ARHGAP10: variants seen among roughly 807,000 people sequenced by gnomAD.
The protein encoded by ARHGAP10 is Rho GTPase activating protein 10.
Under a neutral mutation model 108.6 loss-of-function variants are expected in ARHGAP10, and 87 were observed. That is an observed-to-expected ratio of 0.80 (90% CI 0.67 to 0.96). ARHGAP10 has a LOEUF of 0.96. Ranked by LOEUF, ARHGAP10 falls within the 40% of genes least tolerant of loss-of-function variation. The pLI is 0.00. For missense variants in ARHGAP10, 939 were observed against 954.5 expected, an observed-to-expected ratio of 0.98 and a Z score of 0.21; for synonymous variants, 347 against 341.1, an observed-to-expected ratio of 1.02 and a Z score of -0.19.
chr4:148,061,918 G>A (rs1261967446), intron 20 of ARHGAP10, among the ~76,000 whole-genome samples: 1 of 152,162 alleles, frequency 6.6e-6, no homozygotes, highest in Non-Finnish European at 1.5e-5. Flanking sequence ...AGGCCTTCAG[G>A]GAAGGTGTAT....
chr4:147,784,694 A>AT lies in ARHGAP10; in HGVS notation c.155-38031dup, dbSNP rs1448970595. 1.4e-4 allele frequency among the ~76,000 whole-genome samples: 13 copies of AT among 93,344 alleles called. 2 individuals are homozygous for AT. The highest frequency in any genetic ancestry group is 5.1e-4 in the African/African-American group (12 of 23,614). The allele number at this position is 93,344 out of a possible 152,430, so 61.2% of individuals were successfully genotyped here. A position where few individuals can be genotyped will look rare whatever the true frequency, so the allele number is the denominator to read the frequency against. ...TATATATTATAAATATAAAATATAT[A>AT]TTATAAAATATATATTATAAATATA... On this transcript the variant is annotated intron_variant, in intron 1 of 22. Coordinates refer to ENST00000336498, the MANE Select transcript of ARHGAP10 (RefSeq NM_024605.4).
chr4:147,856,667 T>C (rs1734096292), intron 4 of ARHGAP10, among the ~76,000 whole-genome samples: 1 of 152,158 alleles, frequency 6.6e-6, no homozygotes, highest in Non-Finnish European at 1.5e-5. Flanking sequence ...CCAAGATACC[T>C]CTCTTTGTAT....
chr4:148,039,868 GA>G (rs1728556155), intron 19 of ARHGAP10, among the ~76,000 whole-genome samples: 1 of 152,012 alleles, frequency 6.6e-6, no homozygotes, highest in African/African-American at 2.4e-5. Flanking sequence ...TTCCTCCTCT[GA>G]ATTTGTTTCT....
intron 19 of ARHGAP10, among the ~76,000 whole-genome samples, chr4:148,033,589 T>A (rs574570649): frequency 6.6e-6 from 1 of 152,358 alleles, no homozygotes; most frequent in South Asian, 2.1e-4. Context: ...TTGTAATACA[T>A]ACATATAAAT....
chr4:147,802,547 CAG>C (rs2126762317), intron 1 of ARHGAP10, among the ~76,000 whole-genome samples: 1 of 152,336 alleles, frequency 6.6e-6, no homozygotes, highest in Admixed American at 6.5e-5. Flanking sequence ...CTGTCCTCAG[CAG>C]AGTGTCTCTA....
chr4:147,887,861 CA>C (rs112379304), intron 10 of ARHGAP10, among the ~76,000 whole-genome samples: 2,690 of 140,580 alleles, frequency 0.019, 67 homozygotes, highest in African/African-American at 0.061. Flanking sequence ...GACTCCATCT[CA>C]AAAAAAAAAA....
At chr4:147,748,820 G>T (rs979780012) in intron 1 of ARHGAP10, among the ~76,000 whole-genome samples, 1 of 151,944 alleles carries the variant, frequency 6.6e-6, no homozygotes, top group African/African-American at 2.4e-5. Context: ...GGTTGGGGGC[G>T]TGGGGGCACA....
At chr4:148,047,813 A>G (rs183026391) in intron 20 of ARHGAP10, among the ~76,000 whole-genome samples, 142 of 152,258 alleles carry the variant, frequency 9.3e-4, no homozygotes, top group Non-Finnish European at 1.7e-3. Context: ...TAATTCATCC[A>G]GAGAATCTTT....
chr4:147,762,207 C>T (rs1403189048), intron 1 of ARHGAP10, among the ~76,000 whole-genome samples: 5 of 152,184 alleles, frequency 3.3e-5, no homozygotes, highest in South Asian at 2.1e-4. Flanking sequence ...CTGGTTTCAC[C>T]ATGTTGGCTG....
chr4:148,069,582 C>T (rs912974936), intron 22 of ARHGAP10, among the ~76,000 whole-genome samples: 10 of 152,162 alleles, frequency 6.6e-5, no homozygotes, highest in South Asian at 2.1e-4. Context: ...TCTGTGCTTG[C>T]GCAAGTGTGT....
At chr4:147,988,064 G>A (rs1424038749) in intron 18 of ARHGAP10, among the ~76,000 whole-genome samples, 1 of 152,222 alleles carries the variant, frequency 6.6e-6, no homozygotes, top group Non-Finnish European at 1.5e-5. Flanking sequence ...CAGTGAGTTT[G>A]GTTTAACTCA....
chr4:147,886,352 G>A (rs763593207), intron 10 of ARHGAP10, among the ~76,000 whole-genome samples: 5 of 152,058 alleles, frequency 3.3e-5, no homozygotes, highest in South Asian at 2.1e-4. Flanking sequence ...GTTCTTTACC[G>A]TACCTCAGCC....
At chr4:148,039,430 T>C (rs1728534919) in intron 19 of ARHGAP10, among the ~76,000 whole-genome samples, 1 of 142,172 alleles carries the variant, frequency 7.0e-6, no homozygotes, top group Non-Finnish European at 1.5e-5. Flanking sequence ...CCTATACCAT[T>C]ACAGGCACCC....
In ARHGAP10 at chr4:147,939,907, T is replaced by C. The variant is rs368072733; in HGVS notation, c.1303+8T>C. 37 of 1,607,748 alleles carry C rather than the reference T, an allele frequency of 2.3e-5. No individual in the cohort carries two copies. The highest frequency in any genetic ancestry group is 3.1e-5 in the Non-Finnish European group (36 of 1,175,050). The stretch of plus-strand genomic sequence containing the variant: ...TTCTGAGTATGTTGATGGGTATGCC[T>C]CTTTTCTAATCATTTTTCCATGTGT... On this transcript the variant is annotated splice_region_variant and intron_variant, in intron 14 of 22. Transcript: ENST00000336498.
chr4:147,846,604 T>A (rs940205933), intron 3 of ARHGAP10, among the ~76,000 whole-genome samples: 1 of 152,192 alleles, frequency 6.6e-6, no homozygotes, highest in Admixed American at 6.5e-5. Context: ...ATGTCATGTT[T>A]GCTAGCACGC....
intron 14 of ARHGAP10, 91 bp downstream of exon 14, chr4:147,939,990 C>T (rs1484785111): frequency 3.3e-6 from 4 of 1,213,028 alleles, no homozygotes; most frequent in Non-Finnish European, 3.6e-6. Flanking sequence ...GTAGAGAATA[C>T]TTGTCATTCC....
At chr4:147,746,229 G>A (rs1234671153) in intron 1 of ARHGAP10, among the ~76,000 whole-genome samples, 5 of 151,766 alleles carry the variant, frequency 3.3e-5, no homozygotes, top group Non-Finnish European at 7.4e-5. Context: ...TCAGCCTCCC[G>A]AGTAGCTGGG....
At chr4:147,964,047 C>A (rs1160651854) in intron 16 of ARHGAP10, among the ~76,000 whole-genome samples, 1 of 152,206 alleles carries the variant, frequency 6.6e-6, no homozygotes, top group Non-Finnish European at 1.5e-5. Flanking sequence ...GATGTTTTGA[C>A]ATCTGGGGCC....
chr4:147,985,710 T>C (rs1429717411), intron 18 of ARHGAP10, among the ~76,000 whole-genome samples: 1 of 152,212 alleles, frequency 6.6e-6, no homozygotes, highest in Non-Finnish European at 1.5e-5. Flanking sequence ...GGATTAAAAA[T>C]GGCATCCCCT....
Sources: allele counts gnomAD v4.1 joint callset (sites outside exome capture counted in the v4.1 genomes callset), GRCh38; gene constraint gnomAD v4.1.1; transcripts MANE v1.5; gene names NCBI Gene and HGNC (gene_info 2026-07-23, HGNC 2026-07-21).